CAMK1D: variants seen among roughly 807,000 people sequenced by gnomAD.
The protein encoded by CAMK1D is calcium/calmodulin-dependent protein kinase type 1D.
In CAMK1D, 9 loss-of-function variants were observed where a neutral mutation model predicts 47.7. The ratio of observed to expected loss-of-function variants is 0.19; its 90% CI spans 0.11 to 0.33. The LOEUF is 0.33. Ranked by LOEUF, CAMK1D falls within the 10% of genes least tolerant of loss-of-function variation. The pLI, the probability that CAMK1D is intolerant of heterozygous loss-of-function variation, is 1.00. For missense variants in CAMK1D, 291 were observed against 488.7 expected (o/e 0.60, Z 3.81); for synonymous variants, 184 against 184.9 (o/e 0.99, Z 0.04).
chr10:12,370,829 A>G (rs1346970632), intron 1 of CAMK1D, among the ~76,000 whole-genome samples: 1 of 152,092 alleles, frequency 6.6e-6, no homozygotes, highest in Admixed American at 6.6e-5. Context: ...GCTGGTCTCG[A>G]ACTCCTGACG....
At chr10:12,575,448 G>T (rs1837463732) in intron 2 of CAMK1D, among the ~76,000 whole-genome samples, 1 of 152,114 alleles carries the variant, frequency 6.6e-6, no homozygotes, top group African/African-American at 2.4e-5. Context: ...TGTCTCCTTT[G>T]CTTTCCAAAT....
chr10:12,805,155 A>C (rs1234768288), intron 6 of CAMK1D, among the ~76,000 whole-genome samples: 1 of 150,686 alleles, frequency 6.6e-6, no homozygotes, highest in Non-Finnish European at 1.5e-5. Context: ...GCTACTCGGG[A>C]GGCTGAGGCA....
intron 4 of CAMK1D, among the ~76,000 whole-genome samples, chr10:12,769,305 A>G (rs1201598448): frequency 6.6e-6 from 1 of 152,220 alleles, no homozygotes; most frequent in Non-Finnish European, 1.5e-5. Flanking sequence ...AAAAAGGAGC[A>G]GAGAAGCACC....
intron 2 of CAMK1D, among the ~76,000 whole-genome samples, chr10:12,603,411 A>G (rs1838363875): frequency 6.6e-6 from 1 of 151,970 alleles, no homozygotes; most frequent in East Asian, 1.9e-4. Context: ...CCTGTCCTTG[A>G]TCATTATATC....
In CAMK1D at chr10:12,522,960, G is replaced by A. The variant is rs184722163; in HGVS notation, c.93-30265G>A. Among the ~76,000 whole-genome samples, 29 of 106,532 alleles carry A rather than the reference G, an allele frequency of 2.7e-4. 9 individuals carry two copies. The highest frequency in any genetic ancestry group is 9.5e-4 in the African/African-American group (27 of 28,530). 69.9% of individuals were successfully genotyped at this position (106,532 alleles called of 152,430 possible). On this transcript the variant is annotated intron_variant, in intron 1 of 10. Transcript: ENST00000619168. The stretch of plus-strand genomic sequence containing the variant: ...TCCCAGACGGGGCGGCTGGCCTGGT[G>A]GGGGCTGATCCCCATCTCCCTCCCA...
intron 1 of CAMK1D, among the ~76,000 whole-genome samples, chr10:12,401,064 T>A (rs1839165716): frequency 2.1e-5 from 2 of 94,718 alleles, no homozygotes; most frequent in East Asian, 4.9e-4. Flanking sequence ...TATATATATA[T>A]TTTATATATA....
intron 3 of CAMK1D, among the ~76,000 whole-genome samples, chr10:12,694,584 CAT>C (rs1248385868): frequency 2.8e-5 from 2 of 70,834 alleles, no homozygotes; most frequent in Non-Finnish European, 5.2e-5. Context: ...AAAAATATAT[CAT>C]ATATAAATAT....
intron 2 of CAMK1D, among the ~76,000 whole-genome samples, chr10:12,618,588 TTTTCA>T (rs1374821294): frequency 6.6e-6 from 1 of 152,240 alleles, no homozygotes; most frequent in Non-Finnish European, 1.5e-5. Flanking sequence ...ATACAGTTAC[TTTTCA>T]TTTAAGTATC....
At chr10:12,752,493 G>A (rs1339426524) in intron 3 of CAMK1D, among the ~76,000 whole-genome samples, 3 of 152,056 alleles carry the variant, frequency 2.0e-5, no homozygotes, top group Admixed American at 1.3e-4. Context: ...ATGGGGACAA[G>A]GCACACTCTT....
intron 2 of CAMK1D, among the ~76,000 whole-genome samples, chr10:12,586,674 C>T (rs1217401472): frequency 2.6e-5 from 4 of 152,070 alleles, no homozygotes; most frequent in Admixed American, 6.6e-5. Context: ...CCTCCTGCTG[C>T]CCCCTCACCA....
intron 2 of CAMK1D, among the ~76,000 whole-genome samples, chr10:12,661,467 T>C (rs1466695541): frequency 6.6e-6 from 1 of 152,236 alleles, no homozygotes; most frequent in African/African-American, 2.4e-5. Context: ...TTTCTCCTCT[T>C]TTAAAAATTG....
chr10:12,375,296 G>A (rs1214731375), intron 1 of CAMK1D, among the ~76,000 whole-genome samples: 1 of 152,184 alleles, frequency 6.6e-6, no homozygotes, highest in East Asian at 1.9e-4. Context: ...TAGAGAGCCT[G>A]CTTTTCTAAA....
chr10:12,428,640 C>T (rs906285143), intron 1 of CAMK1D, among the ~76,000 whole-genome samples: 1 of 152,192 alleles, frequency 6.6e-6, no homozygotes, highest in Non-Finnish European at 1.5e-5. Context: ...GGCACTGTCC[C>T]ATGTCAGGCT....
chr10:12,366,011 G>A (rs1033795950), intron 1 of CAMK1D, among the ~76,000 whole-genome samples: 3 of 152,314 alleles, frequency 2.0e-5, no homozygotes, highest in East Asian at 3.9e-4. Flanking sequence ...AGCAGAGATC[G>A]CACCAATGCA....
At chr10:12,786,937 A>G (rs1837750651) in intron 5 of CAMK1D, among the ~76,000 whole-genome samples, 1 of 152,210 alleles carries the variant, frequency 6.6e-6, no homozygotes. Context: ...AGCTTGGCCA[A>G]CAAGACGAAA....
intron 3 of CAMK1D, among the ~76,000 whole-genome samples, chr10:12,724,065 T>G (rs1460499212): frequency 6.6e-6 from 1 of 152,228 alleles, no homozygotes; most frequent in African/African-American, 2.4e-5. Flanking sequence ...CCCAGCTCAC[T>G]GCAACCTCTA....
intron 1 of CAMK1D, among the ~76,000 whole-genome samples, chr10:12,382,425 G>A (rs1332768810): frequency 6.6e-6 from 1 of 151,806 alleles, no homozygotes; most frequent in African/African-American, 2.4e-5. Flanking sequence ...AACTTACATA[G>A]GATCTTTCAT....
At chr10:12,510,424 T>A (rs1045053108) in intron 1 of CAMK1D, among the ~76,000 whole-genome samples, 210 of 120,034 alleles carry the variant, frequency 1.7e-3, no homozygotes, top group South Asian at 3.9e-3. Context: ...TAAAAAAAAA[T>A]AATAATAAAA....
In CAMK1D at chr10:12,606,491, TG is replaced by T. The variant is rs2132401683; in HGVS notation, c.224+53138del. On this transcript the variant is annotated intron_variant, in intron 2 of 10. Transcript: ENST00000619168. ...TGTAGGAACCACGGACGGCCCTCCCTGGGCAGGGCTCAGAATGGATGGCTGG... is the reference window on the plus strand; with the variant it reads ...TGTAGGAACCACGGACGGCCCTCCCTGGCAGGGCTCAGAATGGATGGCTGG... Among the ~76,000 whole-genome samples, 2 of 152,344 alleles carry T rather than the reference TG, an allele frequency of 1.3e-5. 1 individual carries two copies. Among genetic ancestry groups the T allele is most frequent in the East Asian group, 3.9e-4 (2 of 5,180 alleles).
Sources: gnomAD v4.1 joint callset for allele counts (sites outside exome capture counted in the v4.1 genomes callset) on GRCh38, gnomAD v4.1.1 for gene constraint, MANE v1.5 for transcripts, NCBI Gene and HGNC (gene_info 2026-07-23, HGNC 2026-07-21) for gene names.